The following ATF7IP variants were observed in gnomAD, a reference collection of about 807,000 sequenced individuals.
ATF7IP encodes the protein activating transcription factor 7 interacting protein.
A neutral mutation model predicts 106.4 loss-of-function variants in ATF7IP; 23 were observed. That is an observed-to-expected ratio of 0.22 (90% CI 0.16 to 0.31). The LOEUF (loss-of-function observed/expected upper bound fraction) is 0.31, where lower values mean the gene tolerates loss of function less well. ATF7IP is among the 10% of genes least tolerant of loss of function. ATF7IP has a pLI of 1.00. For missense variants in ATF7IP, 1,334 were observed against 1,524.3 expected, an observed-to-expected ratio of 0.88 and a Z score of 2.08; for synonymous variants, 542 against 539.0, an observed-to-expected ratio of 1.01 and a Z score of -0.08.
chr12:14,429,633 ACTTC>A lies in ATF7IP; in HGVS notation c.1558+4165_1558+4168del, dbSNP rs908819231. On this transcript the variant is annotated intron_variant, in intron 2 of 14. Transcript: ENST00000261168. The stretch of plus-strand genomic sequence containing the variant: ...TAATTACATTAGACTAGAATTTGAG[ACTTC>A]CTTCTATTTTTGCTGTAGGTTAGTA... Among the ~76,000 whole-genome samples, 5 of 152,260 alleles carry A rather than the reference ACTTC, an allele frequency of 3.3e-5. No individual in the cohort carries two copies. In the East Asian group the frequency reaches 7.7e-4, roughly 24 times the overall value.
In ATF7IP at chr12:14,424,283, C is replaced by G; in HGVS notation, c.368C>G (p.Ser123Cys). 1 of 1,614,212 alleles carries G rather than the reference C, an allele frequency of 6.2e-7. No individual in the cohort carries two copies. Among genetic ancestry groups the G allele is most frequent in the South Asian group, 1.1e-5 (1 of 91,078 alleles). ...CATAATATAACTCCAGAACCAGTCT[C>G]TAAACTGCCTGCTGAACCAGTTTCT... Reference protein sequence around the residue: ...SPHNITPEPVSKLPAEPVSGD... With the variant: ...SPHNITPEPVCKLPAEPVSGD... The change falls in exon 2 of 15, where the codon TCT becomes TGT. Residue 123 changes from serine (S) to cysteine (C), a missense_variant. Physicochemically the swap from Ser to Cys is moderately radical, Grantham distance 112 (BLOSUM62 -1). Coordinates refer to ENST00000261168, the MANE Select transcript of ATF7IP (RefSeq NM_018179.5).
chr12:14,389,241 A>G (rs2136430356), intron 1 of ATF7IP, among the ~76,000 whole-genome samples: 1 of 152,320 alleles, frequency 6.6e-6, no homozygotes, highest in East Asian at 1.9e-4. Context: ...CATCATATCC[A>G]CTTAGTAATG....
At chr12:14,437,260 A>G (rs1942445830) in intron 4 of ATF7IP, among the ~76,000 whole-genome samples, 1 of 152,200 alleles carries the variant, frequency 6.6e-6, no homozygotes, top group Non-Finnish European at 1.5e-5. Flanking sequence ...ATATTTAAGG[A>G]TGACATTTTA....
At chr12:14,446,078 A>G (rs1364693176) in intron 5 of ATF7IP, among the ~76,000 whole-genome samples, 1 of 151,988 alleles carries the variant, frequency 6.6e-6, no homozygotes, top group Non-Finnish European at 1.5e-5. Flanking sequence ...GGGAGTTTGT[A>G]TAAGTACAAC....
At chr12:14,475,700 T>C (rs1189219915) in intron 10 of ATF7IP, among the ~76,000 whole-genome samples, 190 bp from the exon 11 acceptor site, 3 of 152,184 alleles carry the variant, frequency 2.0e-5, no homozygotes, top group Non-Finnish European at 4.4e-5. Context: ...TTTCATATAG[T>C]AGATGTTTAA....
At chr12:14,372,901 T>C (rs76483623) in intron 1 of ATF7IP, among the ~76,000 whole-genome samples, 17 of 152,314 alleles carry the variant, frequency 1.1e-4, no homozygotes, top group African/African-American at 3.6e-4. Flanking sequence ...ATTTGTATGT[T>C]AGAATAGTTG....
intron 10 of ATF7IP, among the ~76,000 whole-genome samples, chr12:14,474,306 AT>A (rs1281194405): frequency 7.5e-6 from 1 of 133,074 alleles, no homozygotes; most frequent in Non-Finnish European, 1.7e-5. Context: ...TTTAGTAATT[AT>A]TTTTTCAGCT....
At chr12:14,470,667 A>G (rs1204769048) in intron 10 of ATF7IP, among the ~76,000 whole-genome samples, 1 of 152,188 alleles carries the variant, frequency 6.6e-6, no homozygotes, top group Admixed American at 6.6e-5. Context: ...TACCACATAG[A>G]AATATTGGGA....
At chr12:14,439,909 A>G (rs10772782) in intron 5 of ATF7IP, among the ~76,000 whole-genome samples, 44,374 of 151,998 alleles carry the variant, frequency 0.29, 7,998 homozygotes, top group Admixed American at 0.45. Context: ...TTCGACACCT[A>G]TCATCTCACA....
chr12:14,367,423 T>C (rs1938353790), intron 1 of ATF7IP: 1 of 152,142 alleles, frequency 6.6e-6, no homozygotes, highest in Non-Finnish European at 1.5e-5. Context: ...TCTGAGGTCT[T>C]CTACACAGAA....
intron 14 of ATF7IP, among the ~76,000 whole-genome samples, chr12:14,497,175 A>G (rs1945037312): frequency 6.6e-6 from 1 of 152,192 alleles, no homozygotes; most frequent in Non-Finnish European, 1.5e-5. Flanking sequence ...AATATAGTAC[A>G]CATTTAGTGT....
intron 13 of ATF7IP, among the ~76,000 whole-genome samples, chr12:14,486,003 T>C (rs535200533): frequency 5.3e-4 from 81 of 152,242 alleles, no homozygotes; most frequent in African/African-American, 1.6e-3. Flanking sequence ...TGATTTACTA[T>C]TTTTTAGAGG....
intron 5 of ATF7IP, among the ~76,000 whole-genome samples, chr12:14,443,930 G>A (rs1378323669): frequency 1.3e-5 from 2 of 152,118 alleles, no homozygotes; most frequent in Non-Finnish European, 2.9e-5. Flanking sequence ...ATTTAAAAAT[G>A]AGTAAGCACT....
At chr12:14,387,232 A>G (rs1007369099) in intron 1 of ATF7IP, among the ~76,000 whole-genome samples, 1 of 152,182 alleles carries the variant, frequency 6.6e-6, no homozygotes, top group Non-Finnish European at 1.5e-5. Context: ...AAACATTTCA[A>G]TGTGTTTGAG....
chr12:14,483,579 A>G (rs2136822425), intron 13 of ATF7IP, among the ~76,000 whole-genome samples: 1 of 152,238 alleles, frequency 6.6e-6, no homozygotes, highest in Admixed American at 6.5e-5. Flanking sequence ...ACAGGAAGCA[A>G]AAATTTTGCT....
chr12:14,466,577 A>G lies in ATF7IP; in HGVS notation c.2849A>G (p.Asp950Gly). The change falls in exon 10 of 15, where the codon GAT becomes GGT. Residue 950 changes from aspartate to glycine, a missense_variant. Asp to Gly is a moderately conservative substitution (Grantham distance 94). This residue lies in a region of ATF7IP where 370 missense variants were observed against 401.2 expected (regional missense o/e 0.92). Coordinates refer to ENST00000261168, the MANE Select transcript of ATF7IP (RefSeq NM_018179.5). The stretch of plus-strand genomic sequence containing the variant: ...GCTTCTGTCAGTAAGAAAGCAGCTG[A>G]TAGCACATCACAGGTAAGATTTTTC... ...IDASVSKKAA[D>G]STSQCGKATG... 2 of 1,604,718 alleles carry G rather than the reference A, an allele frequency of 1.2e-6. No homozygotes were observed. Among genetic ancestry groups the G allele is most frequent in the Non-Finnish European group, 1.7e-6 (2 of 1,176,746 alleles).
At chr12:14,404,077 T>C (rs546804224) in intron 1 of ATF7IP, among the ~76,000 whole-genome samples, 6 of 152,094 alleles carry the variant, frequency 3.9e-5, no homozygotes, top group African/African-American at 1.4e-4. Context: ...ACATTGGTAA[T>C]ACTAACCCTA....
chr12:14,465,535 TTAAA>T (rs1442539638), intron 9 of ATF7IP, among the ~76,000 whole-genome samples: 4 of 151,480 alleles, frequency 2.6e-5, no homozygotes, highest in Non-Finnish European at 5.9e-5. Flanking sequence ...GAATATATTT[TTAAA>T]TAAATAGATA....
rs1015690569 is a variant in ATF7IP, at chr12:14,420,766, T to C, written c.-7-3143T>C. Among the ~76,000 whole-genome samples, 13 of 152,358 alleles carry C rather than the reference T, an allele frequency of 8.5e-5. No homozygotes were observed. In the East Asian group the frequency reaches 2.3e-3, roughly 27 times the overall value. On this transcript the variant is annotated intron_variant, in intron 1 of 14. Transcript: ENST00000261168. ...TTTTATGTCCAACCAGAGAACAGCA[T>C]GGCTTAACTGTAAGCATCAGATCCA... is the stretch of plus-strand genomic sequence containing the variant.
Sources: gnomAD v4.1 joint callset for allele counts (sites outside exome capture counted in the v4.1 genomes callset) on GRCh38, gnomAD v4.1.1 for gene constraint, gnomAD v4.1.1 regional missense constraint, MANE v1.5 for transcripts, NCBI Gene and HGNC (gene_info 2026-07-23, HGNC 2026-07-21) for gene names.